Variants in DTHD1 observed in about 807,000 individuals in gnomAD.
DTHD1 encodes death domain containing 1.
In DTHD1, 59 loss-of-function variants were observed where a neutral mutation model predicts 74.8. The observed-to-expected ratio is 0.79, with a 90% CI of 0.64 to 0.98. The LOEUF (loss-of-function observed/expected upper bound fraction) is 0.98. Ranked by LOEUF, DTHD1 falls within the 50% of genes least tolerant of loss-of-function variation. DTHD1 has a pLI of 0.00. For missense variants in DTHD1, 1,051 were observed against 1,065.4 expected (o/e 0.99, Z 0.19); for synonymous variants, 365 against 371.1 (o/e 0.98, Z 0.19).
chr4:36,299,017 T>C (rs941071739), intron 5 of DTHD1, among the ~76,000 whole-genome samples: 2 of 152,188 alleles, frequency 1.3e-5, no homozygotes, highest in African/African-American at 4.8e-5. Flanking sequence ...CTGATCATTA[T>C]TGATAAAAGT....
At chr4:36,287,886 C>T (rs550172741) in intron 2 of DTHD1, among the ~76,000 whole-genome samples, 2 of 152,050 alleles carry the variant, frequency 1.3e-5, no homozygotes, top group East Asian at 3.9e-4. Context: ...GGATATTAGT[C>T]CTTTGTCGGA....
intron 9 of DTHD1, among the ~76,000 whole-genome samples, chr4:36,342,111 G>A (rs745520159): frequency 3.7e-4 from 57 of 152,298 alleles, no homozygotes; most frequent in African/African-American, 7.7e-4. Context: ...ATGATGATCC[G>A]CAGGGCTGCT....
rs1024204311 is a variant in DTHD1 at position 36,343,777 on chromosome 4, A to G, written c.2674A>G (p.Lys892Glu). 1 of 1,551,370 alleles carries G rather than the reference A, an allele frequency of 6.4e-7. No homozygotes were observed. Among genetic ancestry groups the G allele is most frequent in the East Asian group, 2.4e-5 (1 of 40,922 alleles). The stretch of plus-strand genomic sequence containing the variant: ...AGAGCTCAAATTCAAGTGGGAAAAT[A>G]AAGTGTTCACTGAACCACAGCAGTG... ...AEELKFKWEN[K>E]VFTEPQQCFD... Residue 892 changes from lysine (K) to glutamate (E), a missense_variant, in exon 10 of 10, where the codon AAA becomes GAA. Transcript: ENST00000639862.
At chr4:36,340,916 T>C (rs1368480584) in intron 9 of DTHD1, among the ~76,000 whole-genome samples, 1 of 151,772 alleles carries the variant, frequency 6.6e-6, no homozygotes, top group Non-Finnish European at 1.5e-5. Flanking sequence ...GGAAGACAGC[T>C]GGCAAAGGGC....
chr4:36,298,326 T>C (rs1756567200), intron 5 of DTHD1, among the ~76,000 whole-genome samples: 1 of 152,132 alleles, frequency 6.6e-6, no homozygotes, highest in Non-Finnish European at 1.5e-5. Flanking sequence ...CTAAAAACAT[T>C]AGGTAAATTA....
chr4:36,316,215 TAATA>T (rs1425326218), intron 7 of DTHD1, 23 bp from the exon 8 acceptor site: 1 of 1,545,074 alleles, frequency 6.5e-7, no homozygotes, highest in Admixed American at 2.0e-5. Flanking sequence ...AACTTAATGG[TAATA>T]AATACATTTT....
At chr4:36,289,644 T>A (rs1289983474) in intron 2 of DTHD1, among the ~76,000 whole-genome samples, 1 of 152,144 alleles carries the variant, frequency 6.6e-6, no homozygotes, top group Non-Finnish European at 1.5e-5. Flanking sequence ...AAATATTAAC[T>A]ATTTTAATAT....
intron 7 of DTHD1, among the ~76,000 whole-genome samples, chr4:36,309,116 G>A (rs1757230710): frequency 6.6e-6 from 1 of 152,174 alleles, no homozygotes; most frequent in African/African-American, 2.4e-5. Flanking sequence ...AACTCTAAAG[G>A]AGTCTATGGG....
At chr4:36,295,256 C>A (rs1421118069) in intron 5 of DTHD1, among the ~76,000 whole-genome samples, 2 of 151,964 alleles carry the variant, frequency 1.3e-5, no homozygotes, top group African/African-American at 2.4e-5. Context: ...AAGATGGAGA[C>A]AATAAGAACT....
At chr4:36,342,434 G>GA (rs1456524845) in intron 9 of DTHD1, among the ~76,000 whole-genome samples, 4 of 152,142 alleles carry the variant, frequency 2.6e-5, no homozygotes, top group African/African-American at 7.2e-5. Context: ...GAAAGTGGGA[G>GA]AAAGTGGCTA....
chr4:36,312,913 G>A (rs1351349889), intron 7 of DTHD1, among the ~76,000 whole-genome samples: 14 of 152,178 alleles, frequency 9.2e-5, no homozygotes, highest in Non-Finnish European at 1.5e-5. Context: ...TAGAGCAAGA[G>A]GAGAAGCAAG....
At chr4:36,302,083 C>G (rs920312056) in intron 5 of DTHD1, among the ~76,000 whole-genome samples, 3 of 152,174 alleles carry the variant, frequency 2.0e-5, no homozygotes, top group Non-Finnish European at 4.4e-5. Context: ...GGAGCTCAAG[C>G]TCAGGGTGGA....
At chr4:36,326,355 C>G (rs531065020) in intron 8 of DTHD1, among the ~76,000 whole-genome samples, 3 of 148,490 alleles carry the variant, frequency 2.0e-5, no homozygotes, top group Non-Finnish European at 4.5e-5. Flanking sequence ...TGATGAATAC[C>G]TACTAAATTA....
chr4:36,284,061 G>T lies in DTHD1; in HGVS notation c.357G>T (p.Glu119Asp). ...CACTTCTAAAGAAAGAAGAAAAGGA[G>T]ATTTGTAATTTATGCGGCATGCATG... ...TAALLKKEEK[E>D]ICNLCGMHDE... is the part of the protein sequence containing the mutation. Residue 119 changes from glutamate (E) to aspartate (D), a missense_variant, in exon 2 of 10, where the codon GAG becomes GAT. Transcript: ENST00000639862. 6.5e-7 allele frequency: 1 copy of T among 1,537,170 alleles called. No individual in the cohort carries two copies. The highest frequency in any genetic ancestry group is 8.7e-7 in the Non-Finnish European group (1 of 1,146,866).
chr4:36,293,435 A>G, intron 3 of DTHD1, 91 bp from the exon 4 acceptor site: 1 of 1,060,192 alleles, frequency 9.4e-7, no homozygotes, highest in Non-Finnish European at 1.2e-6. Context: ...TAAAGAGTGT[A>G]TAGATTTTTT....
chr4:36,294,721 A>C, intron 4 of DTHD1, 74 bp from the exon 5 acceptor site: 1 of 1,390,174 alleles, frequency 7.2e-7, no homozygotes, highest in Non-Finnish European at 9.4e-7. Flanking sequence ...ATTTTCAAAA[A>C]ACTGGATTAG....
chr4:36,328,655 G>C (rs1391341502), intron 8 of DTHD1, among the ~76,000 whole-genome samples: 2 of 152,076 alleles, frequency 1.3e-5, no homozygotes. Flanking sequence ...GTATTTTAAA[G>C]CAAATCACAG....
rs1234419027 is a variant in DTHD1, at chr4:36,293,655, T to C, written c.1348T>C (p.Leu450=). Residue 450 remains leucine, a synonymous_variant, in exon 4 of 10, where the codon TTA becomes CTA. Transcript: ENST00000639862. ...GTCAAGCATGGATTCCCGAATATCC[T>C]TAAATTACCCTCCAGGAGTTTTTAC... ...LKSSMDSRIS[L]NYPPGVFTSP... The C allele has an allele frequency of 7.1e-6, 11 of 1,547,610 alleles. No homozygotes were observed. The highest frequency in any genetic ancestry group is 9.6e-6 in the Non-Finnish European group (11 of 1,144,324).
At position 36,281,970 on chromosome 4, in the gene DTHD1, C is replaced by A; in HGVS notation, c.212C>A (p.Ser71Tyr). 2 of 1,491,638 alleles carry A rather than the reference C, an allele frequency of 1.3e-6. No individual in the cohort carries two copies. The highest frequency in any genetic ancestry group is 1.8e-6 in the Non-Finnish European group (2 of 1,116,166). 92.4% of individuals were successfully genotyped at this position (1,491,638 alleles called of 1,614,324 possible). A position where few individuals can be genotyped will look rare whatever the true frequency, so the allele number is the denominator to read the frequency against. ...GAGCACACCTCAGGCACCCTGCGTTCCACCTGCCAGCAGCTGCATGTGCTG... is the reference window on the plus strand; with the variant it reads ...GAGCACACCTCAGGCACCCTGCGTTACACCTGCCAGCAGCTGCATGTGCTG... ...LLEHTSGTLR[S>Y]TCQQLHVLLD... Residue 71 changes from serine (S) to tyrosine (Y), a missense_variant, in exon 1 of 10, where the codon TCC (serine) becomes TAC (tyrosine). By Grantham distance (144) the Ser-to-Tyr change is moderately radical. Transcript: ENST00000639862.
Sources: gnomAD v4.1 joint callset for allele counts (sites outside exome capture counted in the v4.1 genomes callset) on GRCh38, gnomAD v4.1.1 for gene constraint, MANE v1.5 for transcripts, NCBI Gene and HGNC (gene_info 2026-07-23, HGNC 2026-07-21) for gene names.